CADPS: variants seen among roughly 807,000 people sequenced by gnomAD.
CADPS encodes the protein calcium-dependent secretion activator 1.
Under a neutral mutation model 167.3 loss-of-function variants are expected in CADPS, and 57 were observed. The observed-to-expected ratio is 0.34, with a 90% CI of 0.28 to 0.42. The LOEUF (loss-of-function observed/expected upper bound fraction) is 0.42. CADPS is among the 20% of genes least tolerant of loss of function. The pLI is 1.00. For synonymous variants in CADPS, 676 were observed against 635.3 expected (o/e 1.06, Z -0.96); for missense variants, 1,414 against 1,738.1 (o/e 0.81, Z 3.32).
chr3:62,737,292 TAAAAACAAAAAC>T (rs968203494), intron 3 of CADPS, among the ~76,000 whole-genome samples: 9 of 150,824 alleles, frequency 6.0e-5, no homozygotes, highest in African/African-American at 9.8e-5. Context: ...CTACAAAAAT[TAAAAACAAAAAC>T]AAAAACAAAA....
chr3:62,532,482 G>A (rs533826755), intron 13 of CADPS, among the ~76,000 whole-genome samples: 1 of 152,256 alleles, frequency 6.6e-6, no homozygotes, highest in African/African-American at 2.4e-5. Flanking sequence ...CAGGCACTAT[G>A]TTGAGCCCTT....
chr3:62,541,385 T>C (rs534201651), intron 11 of CADPS, among the ~76,000 whole-genome samples: 1 of 152,282 alleles, frequency 6.6e-6, no homozygotes, highest in East Asian at 1.9e-4. Flanking sequence ...TAAGGATTTT[T>C]CAGTCCTTTA....
chr3:62,462,062 C>T (rs1391290355), intron 26 of CADPS, among the ~76,000 whole-genome samples: 1 of 149,768 alleles, frequency 6.7e-6, no homozygotes, highest in Admixed American at 6.6e-5. Flanking sequence ...CCTGCTTGCC[C>T]TCTTCTTGGC....
intron 3 of CADPS, among the ~76,000 whole-genome samples, chr3:62,710,232 C>T (rs1261243695): frequency 6.6e-6 from 1 of 151,478 alleles, no homozygotes; most frequent in South Asian, 2.1e-4. Flanking sequence ...TCTCATGAAG[C>T]GTCTAGGTGG....
intron 6 of CADPS, among the ~76,000 whole-genome samples, chr3:62,620,841 G>A (rs1285730280): frequency 6.6e-6 from 1 of 152,148 alleles, no homozygotes; most frequent in African/African-American, 2.4e-5. Context: ...GCCTGGAAGG[G>A]ATTCCTCACT....
intron 12 of CADPS, among the ~76,000 whole-genome samples, chr3:62,535,409 T>A (rs2074487011): frequency 6.6e-6 from 1 of 151,668 alleles, no homozygotes; most frequent in African/African-American, 2.4e-5. Flanking sequence ...TTATCTACAA[T>A]TTTTTATATC....
chr3:62,421,510 T>C lies in CADPS; in HGVS notation c.3777+16594A>G, dbSNP rs2051383511. On this transcript the variant is annotated intron_variant, in intron 28 of 29. Transcript: ENST00000383710. This position sits in a 1 kb window ranked among gnomAD's most constrained non-coding sequence, Gnocchi z 4.7. ...ATGCACCCACAGCAGCTGTCACTTTTGTCGAGCAAGTTAATCAAGCAAATG... is the reference window on the plus strand; with the variant it reads ...ATGCACCCACAGCAGCTGTCACTTTCGTCGAGCAAGTTAATCAAGCAAATG... Among the ~76,000 whole-genome samples, 1 of 152,258 alleles carries C rather than the reference T, an allele frequency of 6.6e-6. No individual in the cohort carries two copies.
intron 6 of CADPS, among the ~76,000 whole-genome samples, chr3:62,614,007 TC>T (rs960099654): frequency 2.6e-5 from 4 of 152,104 alleles, no homozygotes; most frequent in Admixed American, 2.6e-4. Context: ...CACCTCCAAC[TC>T]CCTGCCTGCT....
At chr3:62,829,048 C>A (rs1439331564) in intron 1 of CADPS, among the ~76,000 whole-genome samples, 1 of 152,072 alleles carries the variant, frequency 6.6e-6, no homozygotes, top group Non-Finnish European at 1.5e-5. Context: ...AAAGAAGTTT[C>A]AGGATTAATA....
intron 3 of CADPS, among the ~76,000 whole-genome samples, chr3:62,664,492 T>A (rs77788984): frequency 0.02 from 3,030 of 152,332 alleles, 116 homozygotes; most frequent in African/African-American, 0.069. Flanking sequence ...AAATACAGTG[T>A]CCTCAGTGCT....
At chr3:62,621,589 T>C (rs901769230) in intron 6 of CADPS, among the ~76,000 whole-genome samples, 1 of 152,066 alleles carries the variant, frequency 6.6e-6, no homozygotes, top group Non-Finnish European at 1.5e-5. Flanking sequence ...GATTTTTGGG[T>C]GTTTTTGTTT....
chr3:62,647,737 T>G (rs974912695), intron 5 of CADPS, among the ~76,000 whole-genome samples: 1 of 152,198 alleles, frequency 6.6e-6, no homozygotes, highest in Non-Finnish European at 1.5e-5. Flanking sequence ...TTTTGGAATT[T>G]AAAATATCTG....
intron 3 of CADPS, among the ~76,000 whole-genome samples, chr3:62,681,045 C>A (rs2077080298): frequency 6.6e-6 from 1 of 152,044 alleles, no homozygotes; most frequent in African/African-American, 2.4e-5. Context: ...ATTCCCCGAC[C>A]CTGCTCCATG....
chr3:62,731,805 CAAAAAAA>C (rs1212456893), intron 3 of CADPS, among the ~76,000 whole-genome samples: 27 of 27,136 alleles, frequency 9.9e-4, no homozygotes, highest in Admixed American at 4.8e-3. Flanking sequence ...TGATCATATG[CAAAAAAA>C]AAAAAAAAAA....
intron 3 of CADPS, among the ~76,000 whole-genome samples, chr3:62,720,816 T>G (rs2075636208): frequency 6.6e-6 from 1 of 151,050 alleles, no homozygotes; most frequent in Non-Finnish European, 1.5e-5. Flanking sequence ...TTGTTAGTTT[T>G]TTTTTTTTTT....
chr3:62,825,576 T>C (rs979812421), intron 1 of CADPS, among the ~76,000 whole-genome samples: 1 of 152,094 alleles, frequency 6.6e-6, no homozygotes, highest in Non-Finnish European at 1.5e-5. Flanking sequence ...CCATCTCCAA[T>C]CCCTTGTTGG....
chr3:62,429,887 G>C (rs1221824291), intron 28 of CADPS, among the ~76,000 whole-genome samples: 2 of 152,162 alleles, frequency 1.3e-5, no homozygotes, highest in Non-Finnish European at 2.9e-5. Context: ...CTGGAACACA[G>C]AAAGCTGTTC....
chr3:62,440,325 G>T (rs2056053085), intron 27 of CADPS: 1 of 151,036 alleles, frequency 6.6e-6, no homozygotes, highest in Non-Finnish European at 1.5e-5. Flanking sequence ...TTCTGTAAAA[G>T]AAGAGTTAAA....
In CADPS at chr3:62,855,091, A is replaced by ATTTTTTTTTTTTTTTTT. The variant is rs554197608; in HGVS notation, c.441+19481_441+19497dup. 4.6e-3 allele frequency among the ~76,000 whole-genome samples: 423 copies of ATTTTTTTTTTTTTTTTT among 92,606 alleles called. 8 individuals carry two copies. Among genetic ancestry groups the ATTTTTTTTTTTTTTTTT allele is most frequent in the Non-Finnish European group, 6.3e-3 (287 of 45,482 alleles). The allele number at this position is 92,606 out of a possible 152,430, so 60.8% of individuals were successfully genotyped here. A position where few individuals can be genotyped will look rare whatever the true frequency, so the allele number is the denominator to read the frequency against. ...AGGCACGTGCCATCATGCCCGGCTA[A>ATTTTTTTTTTTTTTTTT]TTTTTTTTTTTTTTTTTTGTCTTTT... On this transcript the variant is annotated intron_variant, in intron 1 of 29. Coordinates refer to ENST00000383710, the MANE Select transcript of CADPS (RefSeq NM_003716.4).
Sources: allele counts gnomAD v4.1 joint callset (sites outside exome capture counted in the v4.1 genomes callset), GRCh38; gene constraint gnomAD v4.1.1; non-coding constraint Gnocchi (gnomAD v3.1); transcripts MANE v1.5; gene names NCBI Gene and HGNC (gene_info 2026-07-23, HGNC 2026-07-21).